The following PKHD1L1 variants were observed in gnomAD, a reference collection of about 807,000 sequenced individuals.
PKHD1L1 encodes the protein PKHD1 like 1.
PKHD1L1 carries 434 observed loss-of-function variants against 462.9 expected under a neutral mutation model. That is an observed-to-expected ratio of 0.94 (90% confidence interval 0.87 to 1.02). PKHD1L1 has a LOEUF of 1.02. PKHD1L1 is among the 50% of genes least tolerant of loss of function. The pLI is 0.00. For synonymous variants in PKHD1L1, 1,781 were observed against 1,750.0 expected (o/e 1.02, Z -0.44); for missense variants, 5,202 against 5,096.1 (o/e 1.02, Z -0.63).
At position 109,385,599 on chromosome 8, in the gene PKHD1L1, A is replaced by G. The variant is rs532093217; in HGVS notation, c.538A>G (p.Ser180Gly). The change falls in exon 6 of 78, where the codon AGC (serine) becomes GGC (glycine). Residue 180 changes from serine (S) to glycine (G), a missense_variant. Physicochemically the swap from Ser to Gly is moderately conservative, Grantham distance 56 (BLOSUM62 0). Coordinates refer to ENST00000378402, the MANE Select transcript of PKHD1L1 (RefSeq NM_177531.6). Reference sequence around the variant, plus strand: ...TGTCTATGGAAGTAATATTGCACTAAGCTCAAATGGGAAAAATGTTAGGAT... The same window carrying G: ...TGTCTATGGAAGTAATATTGCACTAGGCTCAAATGGGAAAAATGTTAGGAT... ...TDVYGSNIAL[S>G]SNGKNVRILR... 2 of 1,603,802 alleles carry G rather than the reference A, an allele frequency of 1.2e-6. No individual in the cohort carries two copies. Among genetic ancestry groups the G allele is most frequent in the African/African-American group, 2.7e-5 (2 of 74,674 alleles).
In PKHD1L1 at chr8:109,501,515, G is replaced by A. The variant is rs2168678; in HGVS notation, c.10828+2744G>A. Among the ~76,000 whole-genome samples, 1,294 of 152,218 alleles carry A rather than the reference G, an allele frequency of 8.5e-3. 15 individuals carry two copies. Among genetic ancestry groups the A allele is most frequent in the African/African-American group, 0.029 (1,215 of 41,520 alleles). On this transcript the variant is annotated intron_variant, in intron 67 of 77. Coordinates refer to ENST00000378402, the MANE Select transcript of PKHD1L1 (RefSeq NM_177531.6). ...TCCAGGGTGGAATAAATCTGATGTC[G>A]CCAACTTTAATTTAAGTAATTGTTT...
intron 75 of PKHD1L1, 117 bp downstream of exon 75, chr8:109,523,007 A>G: frequency 8.4e-7 from 1 of 1,190,546 alleles, no homozygotes. Flanking sequence ...CGGCCCTTTC[A>G]GAAGTTGGAC....
At position 109,532,867 on chromosome 8, in the gene PKHD1L1, C is replaced by T. The variant is rs1821072228; in HGVS notation, c.*2777C>T. On this transcript the variant is annotated 3_prime_UTR_variant, in exon 78 of 78. Coordinates refer to ENST00000378402, the MANE Select transcript of PKHD1L1 (RefSeq NM_177531.6). ...AAAATATCCCTAGCACTAATAATAA[C>T]AATAATCAATAATAAAGTAAAGGTT... 6.6e-6 allele frequency among the ~76,000 whole-genome samples: 1 copy of T among 152,156 alleles called. No individual in the cohort carries two copies. The highest frequency in any genetic ancestry group is 2.4e-5 in the African/African-American group (1 of 41,432).
chr8:109,482,167 A>G (rs1301020598), intron 56 of PKHD1L1, among the ~76,000 whole-genome samples: 2 of 151,812 alleles, frequency 1.3e-5, no homozygotes, highest in Non-Finnish European at 2.9e-5. Context: ...ATGGTACTGC[A>G]TATTTATTTA....
chr8:109,396,236 C>A, intron 11 of PKHD1L1, 99 bp downstream of exon 11: 1 of 836,842 alleles, frequency 1.2e-6, no homozygotes, highest in Non-Finnish European at 1.9e-6. Context: ...TCAACTCATG[C>A]CTTCAATTGG....
intron 52 of PKHD1L1, 45 bp downstream of exon 52, chr8:109,476,712 C>G: frequency 6.6e-7 from 1 of 1,512,428 alleles, no homozygotes; most frequent in Non-Finnish European, 8.9e-7. Context: ...AATGCTTTGT[C>G]TAAAAGATGA....
At chr8:109,437,363 T>G (rs947623437) in intron 30 of PKHD1L1, among the ~76,000 whole-genome samples, 1 of 152,194 alleles carries the variant, frequency 6.6e-6, no homozygotes. Flanking sequence ...ATTATTATGC[T>G]TTAAGTTTTA....
In PKHD1L1 at chr8:109,533,873, T is replaced by C. The variant is rs1563647834; in HGVS notation, c.*3783T>C. ...CAATTTTATGGCTTTTACAATGTCC[T>C]TGTGTGAAGAATATTTTTATACCTC... is the stretch of plus-strand genomic sequence containing the variant. On this transcript the variant is annotated 3_prime_UTR_variant, in exon 78 of 78. Coordinates refer to ENST00000378402, the MANE Select transcript of PKHD1L1 (RefSeq NM_177531.6). Among the ~76,000 whole-genome samples, 3 of 152,220 alleles carry C rather than the reference T, an allele frequency of 2.0e-5. No homozygotes were observed. The highest frequency in any genetic ancestry group is 2.9e-5 in the Non-Finnish European group (2 of 68,036).
intron 50 of PKHD1L1, among the ~76,000 whole-genome samples, chr8:109,467,117 G>T (rs905858054): frequency 6.6e-6 from 1 of 152,074 alleles, no homozygotes; most frequent in Non-Finnish European, 1.5e-5. Context: ...TGGGATGGGG[G>T]AGCATTTACT....
intron 57 of PKHD1L1, among the ~76,000 whole-genome samples, chr8:109,484,633 T>C (rs1460861365): frequency 6.6e-6 from 1 of 151,852 alleles, no homozygotes; most frequent in Non-Finnish European, 1.5e-5. Context: ...TTCCTCGGGC[T>C]TTTCTGCCTT....
chr8:109,404,866 C>T (rs1813451694), intron 15 of PKHD1L1, 129 bp from the exon 16 acceptor site: 2 of 1,113,790 alleles, frequency 1.8e-6, no homozygotes, highest in Non-Finnish European at 2.5e-6. Flanking sequence ...GTACGATAAG[C>T]CAAAAAGGCT....
chr8:109,395,128 G>A (rs1812905595), intron 10 of PKHD1L1, among the ~76,000 whole-genome samples: 1 of 152,126 alleles, frequency 6.6e-6, no homozygotes, highest in Admixed American at 6.6e-5. Flanking sequence ...GTACTATATG[G>A]TTTCTACCAA....
At chr8:109,433,291 A>G (rs2130704689) in intron 28 of PKHD1L1, 75 bp downstream of exon 28, 1 of 1,158,624 alleles carries the variant, frequency 8.6e-7, no homozygotes, top group East Asian at 2.3e-5. Flanking sequence ...CAGTATTACA[A>G]TTATCTTGAT....
chr8:109,363,008 C>T (rs1356055015), intron 1 of PKHD1L1, among the ~76,000 whole-genome samples: 2 of 152,002 alleles, frequency 1.3e-5, no homozygotes, highest in Non-Finnish European at 2.9e-5. Context: ...AACCTGAGTC[C>T]CTTTTCCTCC....
chr8:109,395,769 G>A (rs919897833), intron 10 of PKHD1L1, among the ~76,000 whole-genome samples: 5 of 152,076 alleles, frequency 3.3e-5, no homozygotes, highest in African/African-American at 9.7e-5. Flanking sequence ...TTTAATGCTC[G>A]CATTACCAAT....
chr8:109,504,923 G>A (rs1450953026), intron 68 of PKHD1L1, among the ~76,000 whole-genome samples: 1 of 151,940 alleles, frequency 6.6e-6, no homozygotes, highest in Non-Finnish European at 1.5e-5. Context: ...ACTCAGGCTG[G>A]AGTGCGATGG....
At chr8:109,440,633 A>T in intron 32 of PKHD1L1, 77 bp from the exon 33 acceptor site, 1 of 1,322,756 alleles carries the variant, frequency 7.6e-7, no homozygotes, top group Non-Finnish European at 1.0e-6. Flanking sequence ...TTTCTAAAGA[A>T]GTCATATCCT....
intron 53 of PKHD1L1, among the ~76,000 whole-genome samples, chr8:109,479,311 G>A (rs148717693): frequency 1.4e-4 from 22 of 152,088 alleles, no homozygotes; most frequent in Middle Eastern, 3.4e-3. Context: ...GTGCATCCTC[G>A]TCAACTCAGA....
chr8:109,480,252 G>A (rs1030578765), intron 55 of PKHD1L1, 113 bp downstream of exon 55: 21 of 1,131,450 alleles, frequency 1.9e-5, no homozygotes, highest in Non-Finnish European at 2.6e-5. Flanking sequence ...AAACACAACT[G>A]GCTCTATCCC....
Sources: allele counts gnomAD v4.1 joint callset (sites outside exome capture counted in the v4.1 genomes callset), GRCh38; gene constraint gnomAD v4.1.1; transcripts MANE v1.5; gene names NCBI Gene and HGNC (gene_info 2026-07-23, HGNC 2026-07-21).